GAK: variants seen among roughly 807,000 people sequenced by gnomAD.
GAK encodes cyclin G associated kinase.
In GAK, 79 loss-of-function variants were observed where a neutral mutation model predicts 143.9. The observed-to-expected ratio is 0.55, with a 90% confidence interval of 0.46 to 0.66. The LOEUF (loss-of-function observed/expected upper bound fraction) is 0.66, where lower values mean the gene tolerates loss of function less well. GAK is among the 30% of genes least tolerant of loss of function. The probability of loss-of-function intolerance (pLI) is 0.00; values close to 1 mark genes in which losing one functional copy is unlikely to be tolerated. For missense variants in GAK, 1,693 were observed against 1,779.7 expected (o/e 0.95, Z 0.88); for synonymous variants, 881 against 765.5 (o/e 1.15, Z -2.49).
intron 5 of GAK, 83 bp downstream of exon 5, chr4:904,554 T>C: frequency 7.2e-7 from 1 of 1,379,842 alleles, no homozygotes; most frequent in Non-Finnish European, 9.6e-7. Context: ...TACCTTGAGG[T>C]CCCTGTGGAT....
At position 859,678 on chromosome 4, in the gene GAK, G is replaced by A. The variant is rs767726892; in HGVS notation, c.3211C>T (p.Gln1071Ter). Residue 1071 changes from glutamine (Q) to a stop codon, truncating the protein, a stop_gained, in exon 24 of 28, where the codon CAG becomes TAG. Coordinates refer to ENST00000314167, the MANE Select transcript of GAK (RefSeq NM_005255.4). LOFTEE classifies it high-confidence loss of function. ...TTCTGAGACTTGGTCCAGCTGGCCT[G>A]AGAGCCACAAGGGGCCGGCTGACCT... ...PGGQPAPCGS[Q>*]ASWTKSQNPD... 1 of 1,601,918 alleles carries A rather than the reference G, an allele frequency of 6.2e-7. No individual in the cohort carries two copies. The highest frequency in any genetic ancestry group is 8.5e-7 in the Non-Finnish European group (1 of 1,169,870).
intron 9 of GAK, among the ~76,000 whole-genome samples, chr4:890,972 C>CA (rs1427074936): frequency 6.8e-6 from 1 of 147,316 alleles, no homozygotes; most frequent in African/African-American, 2.5e-5. Context: ...TTGGTAGAGA[C>CA]AGAGTCTTGC....
chr4:900,011 C>A (rs1379023141), intron 5 of GAK, among the ~76,000 whole-genome samples: 1 of 152,242 alleles, frequency 6.6e-6, no homozygotes, highest in Non-Finnish European at 1.5e-5. Context: ...GGGCGAGGCT[C>A]CCCTCACAGG....
At position 891,518 on chromosome 4, in the gene GAK, G is replaced by A. The variant is rs530790406; in HGVS notation, c.991-896C>T. Among the ~76,000 whole-genome samples, 4 of 152,136 alleles carry A rather than the reference G, an allele frequency of 2.6e-5. No individual in the cohort carries two copies. In the East Asian group the frequency reaches 5.8e-4, roughly 22 times the overall value. ...GCTCCATCATGGACTGTGTTTTCTG[G>A]GGGAGTCGGTTGGCTTAAGCAGGGG... On this transcript the variant is annotated intron_variant, in intron 9 of 27. Transcript: ENST00000314167.
At chr4:926,877 C>A (rs1180933976) in intron 1 of GAK, among the ~76,000 whole-genome samples, 2 of 29,100 alleles carry the variant, frequency 6.9e-5, no homozygotes, top group African/African-American at 1.7e-4. Context: ...GCCCCGCAAC[C>A]CCCCCCACCC....
chr4:882,180 G>A (rs1457265731), intron 14 of GAK, 140 bp from the exon 15 acceptor site: 1 of 943,390 alleles, frequency 1.1e-6, no homozygotes, highest in Non-Finnish European at 1.5e-6. Flanking sequence ...TGTTTAGGGA[G>A]CTACATAACG....
intron 7 of GAK, among the ~76,000 whole-genome samples, chr4:896,208 G>A (rs931250957): frequency 4.6e-5 from 7 of 152,212 alleles, no homozygotes; most frequent in African/African-American, 1.4e-4. Context: ...AGGCTGCGGT[G>A]AGCCTGAGCC....
chr4:912,343 C>T (rs11248057), intron 3 of GAK: 2 of 363,398 alleles, frequency 5.5e-6, no homozygotes, highest in South Asian at 2.0e-5. Context: ...ACGAGAGGGG[C>T]GGCTGAGAAG....
intron 19 of GAK, chr4:868,924 C>T (rs994472953): frequency 2.1e-5 from 11 of 527,736 alleles, no homozygotes; most frequent in Admixed American, 1.0e-4. Context: ...CACATGAACA[C>T]GCACAAGGAA....
chr4:897,885 G>A, intron 6 of GAK, 148 bp downstream of exon 6: 1 of 835,682 alleles, frequency 1.2e-6, no homozygotes, highest in Non-Finnish European at 1.7e-6. Flanking sequence ...GGAGGCGGAG[G>A]TTGCAGTGAG....
At chr4:897,918 C>T in intron 6 of GAK, 115 bp downstream of exon 6, 1 of 1,260,294 alleles carries the variant, frequency 7.9e-7, no homozygotes, top group Non-Finnish European at 1.1e-6. Context: ...CACTGCACTC[C>T]AGCCTGGTGA....
At chr4:882,160 A>G in intron 14 of GAK, 120 bp from the exon 15 acceptor site, 3 of 1,123,530 alleles carry the variant, frequency 2.7e-6, no homozygotes, top group South Asian at 1.5e-5. Flanking sequence ...TCCTCTCTGA[A>G]GCTGGGATAT....
At chr4:925,733 C>G (rs755637244) in intron 1 of GAK, among the ~76,000 whole-genome samples, 7 of 152,198 alleles carry the variant, frequency 4.6e-5, no homozygotes, top group Non-Finnish European at 1.0e-4. Context: ...TGTGAGGACA[C>G]AGCGAGAAGG....
At position 851,770 on chromosome 4, in the gene GAK, C is replaced by A. The variant is rs141977918; in HGVS notation, c.3488G>T (p.Gly1163Val). ...CTCACCAAAGCTGGGTGCGCGGACCCCCCGCTCCTCCCGCGCCCCGATCAC... is the reference window on the plus strand; with the variant it reads ...CTCACCAAAGCTGGGTGCGCGGACCACCCGCTCCTCCCGCGCCCCGATCAC... ...FSVIGAREER[G>V]VRAPSFAQKP... The change falls in exon 25 of 28, where the codon GGG becomes GTG. Residue 1163 changes from glycine to valine, a missense_variant. Physicochemically the swap from Gly to Val is moderately radical, Grantham distance 109 (BLOSUM62 -3). Transcript: ENST00000314167. 13 of 1,613,196 alleles carry A rather than the reference C, an allele frequency of 8.1e-6. No individual in the cohort carries two copies. The African/African-American group carries it at 1.7e-4, about 22-fold the overall frequency.
chr4:893,235 T>C, intron 9 of GAK, 142 bp downstream of exon 9: 2 of 538,722 alleles, frequency 3.7e-6, no homozygotes, highest in Non-Finnish European at 6.4e-6. Flanking sequence ...ATAGGAGACT[T>C]AGGGTTCACG....
intron 5 of GAK, among the ~76,000 whole-genome samples, chr4:903,409 G>C (rs986275326): frequency 6.6e-6 from 1 of 152,208 alleles, no homozygotes; most frequent in African/African-American, 2.4e-5. Context: ...GAGTAGGCAA[G>C]GGGTCCGGCC....
chr4:913,199 G>T lies in GAK; in HGVS notation c.208-405C>A, dbSNP rs114223252. 1.6e-3 allele frequency among the ~76,000 whole-genome samples: 238 copies of T among 152,328 alleles called. 1 individual carries two copies. The highest frequency in any genetic ancestry group is 5.3e-3 in the African/African-American group (219 of 41,572). ...GTGACAGCAAATGGGGCCTTCTTAC[G>T]TCTCAGGACAAAACTGCACAGTACA... On this transcript the variant is annotated intron_variant, in intron 2 of 27. Transcript: ENST00000314167.
rs376664504 is a variant in GAK at position 849,778 on chromosome 4, T to C, written c.3835-4A>G. The C allele has an allele frequency of 6.3e-5, 102 of 1,609,016 alleles. 1 individual carries two copies. The highest frequency in any genetic ancestry group is 8.0e-5 in the Non-Finnish European group (94 of 1,177,176). Reference sequence around the variant, plus strand: ...GCTCGTACGGCTGCCCCGCAGCCTATGGGTGACAGGCGGTGTAAGCGCCTC... The same window carrying C: ...GCTCGTACGGCTGCCCCGCAGCCTACGGGTGACAGGCGGTGTAAGCGCCTC... On this transcript the variant is annotated splice_region_variant and splice_polypyrimidine_tract_variant and intron_variant, in intron 27 of 27. Transcript: ENST00000314167.
At chr4:850,768 G>T in intron 26 of GAK, 168 bp downstream of exon 26, 1 of 655,248 alleles carries the variant, frequency 1.5e-6, no homozygotes, top group Non-Finnish European at 2.4e-6. Context: ...AGGCCCATCG[G>T]CAGTGACAGG....
Sources: gnomAD v4.1 joint callset for allele counts (sites outside exome capture counted in the v4.1 genomes callset) on GRCh38, gnomAD v4.1.1 for gene constraint, MANE v1.5 for transcripts, NCBI Gene and HGNC (gene_info 2026-07-23, HGNC 2026-07-21) for gene names.